DUSP16: variants seen among roughly 807,000 people sequenced by gnomAD.
DUSP16 encodes dual specificity protein phosphatase 16.
Under a neutral mutation model 58.3 loss-of-function variants are expected in DUSP16, and 21 were observed. The ratio of observed to expected loss-of-function variants is 0.36; its 90% CI spans 0.26 to 0.52. DUSP16 has a LOEUF of 0.52. Among genes scored for constraint, DUSP16 ranks in the 20% least tolerant of loss-of-function variants. DUSP16 has a pLI of 0.94. For synonymous variants in DUSP16, 320 were observed against 323.8 expected, an observed-to-expected ratio of 0.99 and a Z score of 0.12; for missense variants, 726 against 819.0, an observed-to-expected ratio of 0.89 and a Z score of 1.39.
chr12:12,528,828 A>AG (rs1167766085), intron 1 of DUSP16, among the ~76,000 whole-genome samples: 2 of 148,386 alleles, frequency 1.3e-5, no homozygotes, highest in Non-Finnish European at 3.0e-5. Context: ...AGAACTAGGG[A>AG]GAAAAAATAG....
rs951505646 is a variant in DUSP16 at position 12,562,390 on chromosome 12, C to A, written c.-639G>T. ...TCTTCACTCTTTCTCTTCCACCCTC[C>A]CCCCCATCAGCCTTCAAAAAAAATG... On this transcript the variant is annotated 5_prime_UTR_variant, in exon 1 of 7. Coordinates refer to ENST00000298573, the MANE Select transcript of DUSP16 (RefSeq NM_030640.3). 6.6e-6 allele frequency: 1 copy of A among 151,564 alleles called. No homozygotes were observed. Among genetic ancestry groups the A allele is most frequent in the African/African-American group, 2.4e-5 (1 of 41,216 alleles). 9.4% of individuals were successfully genotyped at this position (151,564 alleles called of 1,614,324 possible). A position where few individuals can be genotyped will look rare whatever the true frequency, so the allele number is the denominator to read the frequency against.
At chr12:12,532,106 C>T (rs376693596) in intron 1 of DUSP16, among the ~76,000 whole-genome samples, 2 of 151,972 alleles carry the variant, frequency 1.3e-5, no homozygotes, top group South Asian at 2.1e-4. Context: ...TGCAGTGAGC[C>T]GAGATTGCGC....
At chr12:12,482,800 G>A (rs1943597341) in intron 5 of DUSP16, among the ~76,000 whole-genome samples, 1 of 152,128 alleles carries the variant, frequency 6.6e-6, no homozygotes, top group Non-Finnish European at 1.5e-5. Flanking sequence ...CTGTAACTGT[G>A]AGCTCCTAGG....
intron 3 of DUSP16, among the ~76,000 whole-genome samples, chr12:12,515,796 G>C (rs1306450678): frequency 6.6e-6 from 1 of 151,150 alleles, no homozygotes; most frequent in African/African-American, 2.4e-5. Flanking sequence ...TTCTTTTTGA[G>C]ACAGAGTCTC....
chr12:12,517,179 T>C (rs1254016592), intron 3 of DUSP16, among the ~76,000 whole-genome samples: 5 of 152,232 alleles, frequency 3.3e-5, no homozygotes, highest in African/African-American at 9.6e-5. Flanking sequence ...CTAATGACCA[T>C]AAAAACCATC....
chr12:12,485,032 T>C (rs1439192960), intron 5 of DUSP16, among the ~76,000 whole-genome samples: 1 of 146,260 alleles, frequency 6.8e-6, no homozygotes, highest in African/African-American at 2.5e-5. Context: ...TTTTTTGAGA[T>C]AGAGTTTCAC....
intron 1 of DUSP16, among the ~76,000 whole-genome samples, chr12:12,549,517 C>T (rs1002178037): frequency 1.2e-4 from 19 of 152,044 alleles, no homozygotes; most frequent in African/African-American, 4.1e-4. Context: ...TCACTAATGC[C>T]TACTCCATTC....
chr12:12,549,305 A>T (rs188132993), intron 1 of DUSP16, among the ~76,000 whole-genome samples: 2 of 152,226 alleles, frequency 1.3e-5, no homozygotes, highest in Admixed American at 1.3e-4. Context: ...TAGTTATTTT[A>T]ACCGTGTTTT....
chr12:12,488,394 T>G (rs1943714409), intron 4 of DUSP16, among the ~76,000 whole-genome samples: 1 of 152,192 alleles, frequency 6.6e-6, no homozygotes. Context: ...ATAATTCTCA[T>G]CTCCCCTGTT....
chr12:12,531,263 C>G (rs1345548593), intron 1 of DUSP16, among the ~76,000 whole-genome samples: 1 of 152,172 alleles, frequency 6.6e-6, no homozygotes, highest in Non-Finnish European at 1.5e-5. Context: ...AAACTTCTCA[C>G]CCACCTGCAC....
chr12:12,513,740 A>G (rs992070347), intron 3 of DUSP16, among the ~76,000 whole-genome samples: 1 of 152,246 alleles, frequency 6.6e-6, no homozygotes, highest in African/African-American at 2.4e-5. Context: ...ATAGTAGAAC[A>G]GCATTTTTCA....
rs1485252335 is a variant in DUSP16 at position 12,477,343 on chromosome 12, C to T, written c.1488G>A (p.Gln496=). 1.9e-6 allele frequency: 3 copies of T among 1,614,220 alleles called. No individual in the cohort carries two copies. The highest frequency in any genetic ancestry group is 4.5e-5 in the East Asian group (2 of 44,884). ...SVRTSSSGTA[Q]RSLLSPLHRS... ...GATGCAGTGGAGATAAAAGGGACCT[C>T]TGGGCGGTGCCACTGCTGCTGGTTC... The change falls in exon 7 of 7, where the codon CAG becomes CAA. Residue 496 remains glutamine, a synonymous_variant. Transcript: ENST00000298573. This position sits in a 1 kb window ranked among gnomAD's most constrained non-coding sequence, Gnocchi z 4.1.
At chr12:12,531,284 G>A (rs1270216621) in intron 1 of DUSP16, among the ~76,000 whole-genome samples, 1 of 151,994 alleles carries the variant, frequency 6.6e-6, no homozygotes, top group Non-Finnish European at 1.5e-5. Context: ...TCAAGCTCAA[G>A]CTCACAATAG....
chr12:12,486,479 AGAGTGTGT>A (rs1565982121), intron 5 of DUSP16, among the ~76,000 whole-genome samples: 1 of 107,486 alleles, frequency 9.3e-6, no homozygotes, highest in Admixed American at 9.5e-5. Flanking sequence ...TAACCAAATG[AGAGTGTGT>A]GTGTGTGTGT....
chr12:12,496,561 C>G (rs893642062), intron 4 of DUSP16, among the ~76,000 whole-genome samples: 1 of 152,212 alleles, frequency 6.6e-6, no homozygotes, highest in Non-Finnish European at 1.5e-5. Flanking sequence ...AGTGGTTCAC[C>G]TCAGATACAG....
chr12:12,544,504 T>G (rs1566048315), intron 1 of DUSP16, among the ~76,000 whole-genome samples: 1 of 152,228 alleles, frequency 6.6e-6, no homozygotes. Context: ...GTTAAACGCA[T>G]AAGTATGTAA....
intron 3 of DUSP16, among the ~76,000 whole-genome samples, chr12:12,515,962 G>A (rs553721418): frequency 2.6e-5 from 4 of 151,164 alleles, no homozygotes; most frequent in Admixed American, 2.6e-4. Flanking sequence ...TTTTAGTAGA[G>A]ATGGGGTTTT....
intron 1 of DUSP16, among the ~76,000 whole-genome samples, chr12:12,558,515 G>A (rs1019718383): frequency 2.6e-5 from 4 of 151,882 alleles, no homozygotes; most frequent in Middle Eastern, 3.4e-3. Flanking sequence ...CAAAGTAGCC[G>A]GCACCACAGC....
chr12:12,510,473 A>G (rs1443913701), intron 3 of DUSP16, among the ~76,000 whole-genome samples: 1 of 152,220 alleles, frequency 6.6e-6, no homozygotes, highest in Non-Finnish European at 1.5e-5. Flanking sequence ...CCACTTCTGT[A>G]TATTCCACTC....
Sources: allele counts gnomAD v4.1 joint callset (sites outside exome capture counted in the v4.1 genomes callset), GRCh38; gene constraint gnomAD v4.1.1; non-coding constraint Gnocchi (gnomAD v3.1); transcripts MANE v1.5; gene names NCBI Gene and HGNC (gene_info 2026-07-23, HGNC 2026-07-21).